UNC13D: variants seen among roughly 807,000 people sequenced by gnomAD.
UNC13D encodes protein unc-13 homolog D.
UNC13D carries 115 observed loss-of-function variants against 151.7 expected under a neutral mutation model. The ratio of observed to expected loss-of-function variants is 0.76; its 90% CI spans 0.65 to 0.88. The LOEUF is 0.88. UNC13D is among the 40% of genes least tolerant of loss of function. The probability of loss-of-function intolerance (pLI) is 0.00; values close to 1 mark genes in which losing one functional copy is unlikely to be tolerated. For synonymous variants in UNC13D, 588 were observed against 612.2 expected (o/e 0.96, Z 0.58); for missense variants, 1,369 against 1,438.7 (o/e 0.95, Z 0.78).
chr17:75,831,280 G>A lies in UNC13D; in HGVS notation c.2516C>T (p.Ser839Leu), dbSNP rs1713529534. 4.3e-6 allele frequency: 7 copies of A among 1,613,988 alleles called. No homozygotes were observed. The highest frequency in any genetic ancestry group is 5.9e-6 in the Non-Finnish European group (7 of 1,180,038). Residue 839 changes from serine (S) to leucine (L), a missense_variant, in exon 26 of 32, where the codon TCA becomes TTA. Ser to Leu is a moderately radical substitution (Grantham distance 145). Coordinates refer to ENST00000207549, the MANE Select transcript of UNC13D (RefSeq NM_199242.3). ...CTTCAGCCTGTTGGAAGCCAGGGAT[G>A]AGCTGCGCTGGGAGGCGGCCGCCTC... ...LVEAAASQRSSSLASNRLKIA... is the reference protein window; with the variant it reads ...LVEAAASQRSLSLASNRLKIA...
Position 75,836,825 on chromosome 17 carries a change from G to C in UNC13D, c.1149C>G (p.Ile383Met). Residue 383 changes from isoleucine to methionine, a missense_variant, in exon 13 of 32, where the codon ATC (isoleucine) becomes ATG (methionine). Coordinates refer to ENST00000207549, the MANE Select transcript of UNC13D (RefSeq NM_199242.3). The part of the protein sequence containing the change: ...HPITSIEYQW[I>M]QGRLKAEQQE... ...CCTGTTCTGCCTTGAGCCGACCCTG[G>C]ATCCACTGGTACTCGATGCTGGTGA... 1.2e-6 allele frequency: 2 copies of C among 1,613,972 alleles called. No individual in the cohort carries two copies. Among genetic ancestry groups the C allele is most frequent in the Non-Finnish European group, 8.5e-7 (1 of 1,180,040 alleles).
At chr17:75,843,888 C>T in intron 1 of UNC13D, 2 of 1,372,890 alleles carry the variant, frequency 1.5e-6, no homozygotes, top group Non-Finnish European at 1.9e-6. Context: ...GTCTGCTGCT[C>T]CCCGAACAGC....
rs2064956128 is a variant in UNC13D at position 75,842,489 on chromosome 17, G to A, written c.513C>T (p.His171=). ...GTGTCTGGGTGATGACCTGCGTGCG[G>A]TGGGTCTCCTCCTCGGGGATGGTGT... is the stretch of plus-strand genomic sequence containing the variant. The part of the protein sequence containing the change: ...VRHTIPEEET[H]RTQVITQTLN... Residue 171 remains histidine (H), a synonymous_variant, in exon 6 of 32, where the codon CAC becomes CAT. Transcript: ENST00000207549. 2 of 1,613,498 alleles carry A rather than the reference G, an allele frequency of 1.2e-6. No homozygotes were observed. The highest frequency in any genetic ancestry group is 1.7e-6 in the Non-Finnish European group (2 of 1,179,984).
At chr17:75,834,286 C>A in intron 23 of UNC13D, 39 bp downstream of exon 23, 1 of 1,587,860 alleles carries the variant, frequency 6.3e-7, no homozygotes, top group Non-Finnish European at 8.5e-7. Flanking sequence ...AGGCTGAAGA[C>A]GGGATGGGAT....
chr17:75,834,512 T>C lies in UNC13D; in HGVS notation c.2111A>G (p.Asp704Gly), dbSNP rs762112010. ...AANMLCVVVN[D>G]MEQLRLVIGK... ...GATCACCAGCCGCAGCTGCTCCATGTCATTCACCACCACACACAGCTGGGA... is the reference window on the plus strand; with the variant it reads ...GATCACCAGCCGCAGCTGCTCCATGCCATTCACCACCACACACAGCTGGGA... The change falls in exon 23 of 32, where the codon GAC becomes GGC. Residue 704 changes from aspartate to glycine, a missense_variant. Asp to Gly is a moderately conservative substitution (Grantham distance 94). Around this residue, in one of 3 missense-constraint regions of UNC13D, gnomAD observed 807 missense variants for 795.5 expected, o/e 1.01. Coordinates refer to ENST00000207549, the MANE Select transcript of UNC13D (RefSeq NM_199242.3). The C allele has an allele frequency of 8.2e-6, 13 of 1,585,002 alleles. No individual in the cohort carries two copies. The Admixed American group carries it at 2.4e-4, about 29-fold the overall frequency.
intron 1 of UNC13D, chr17:75,843,903 C>A: frequency 7.3e-7 from 1 of 1,374,966 alleles, no homozygotes; most frequent in South Asian, 1.6e-5. Flanking sequence ...AACAGCTCAC[C>A]CCACAGCAGG....
In UNC13D at chr17:75,835,020, A is replaced by C. The variant is rs767614412; in HGVS notation, c.1892T>G (p.Val631Gly). 4 of 1,614,020 alleles carry C rather than the reference A, an allele frequency of 2.5e-6. No individual in the cohort carries two copies. The South Asian group carries it at 4.4e-5, about 18-fold the overall frequency. ...GELTKHSTSA[V>G]DLSTCFAQIS... ...CTGGGCAAAGCAGGTGGATAGATCC[A>C]CCGCTGATGTGCTGTGCTTGGTCAG... The change falls in exon 21 of 32, where the codon GTG (valine) becomes GGG (glycine). Residue 631 changes from valine (V) to glycine (G), a missense_variant. By Grantham distance (109) the Val-to-Gly change is moderately radical. Transcript: ENST00000207549.
In UNC13D at chr17:75,827,906, T is replaced by G; in HGVS notation, c.*59A>C. ...GATGTGGCGGGGAAGCCCCAGACCCTACAGGAAAGCCCTTGCAAGTCCCCA... is the reference window on the plus strand; with the variant it reads ...GATGTGGCGGGGAAGCCCCAGACCCGACAGGAAAGCCCTTGCAAGTCCCCA... On this transcript the variant is annotated 3_prime_UTR_variant, in exon 32 of 32. Transcript: ENST00000207549. 1 of 1,581,402 alleles carries G rather than the reference T, an allele frequency of 6.3e-7. No individual in the cohort carries two copies. The highest frequency in any genetic ancestry group is 8.6e-7 in the Non-Finnish European group (1 of 1,168,042).
At chr17:75,843,338 G>A (rs1294909877) in intron 2 of UNC13D, 72 bp from the exon 3 acceptor site, 2 of 1,588,076 alleles carry the variant, frequency 1.3e-6, no homozygotes, top group East Asian at 2.3e-5. Flanking sequence ...CCATGGGCAG[G>A]ACAAGGGCGG....
intron 12 of UNC13D, among the ~76,000 whole-genome samples, chr17:75,839,170 A>G (rs2064930509): frequency 6.6e-6 from 1 of 152,164 alleles, no homozygotes; most frequent in Non-Finnish European, 1.5e-5. Context: ...TGAGAGGCCA[A>G]GGCAGGCAGA....
In UNC13D at chr17:75,830,059, G is replaced by T; in HGVS notation, c.2923C>A (p.Leu975Ile). ...AAGGTCTCATCAAACAATGGGTGAA[G>T]GTCCTTCTTGTGCTTCTGGGTCTCC... ...ARETQKHKKD[L>I]HPLFDETFEF... The change falls in exon 30 of 32, where the codon CTT (leucine) becomes ATT (isoleucine). Residue 975 changes from leucine to isoleucine, a missense_variant. Leu to Ile is a conservative substitution (Grantham distance 5). Around this residue, in one of 3 missense-constraint regions of UNC13D, gnomAD observed 807 missense variants for 795.5 expected, o/e 1.01. Coordinates refer to ENST00000207549, the MANE Select transcript of UNC13D (RefSeq NM_199242.3). 6.3e-7 allele frequency: 1 copy of T among 1,577,362 alleles called. No homozygotes were observed.
In UNC13D at chr17:75,827,239, T is replaced by G; in HGVS notation, c.*726A>C. 2.6e-5 allele frequency: 10 copies of G among 384,372 alleles called. No homozygotes were observed. Among genetic ancestry groups the G allele is most frequent in the East Asian group, 4.1e-5 (1 of 24,590 alleles). 23.8% of individuals were successfully genotyped at this position (384,372 alleles called of 1,614,324 possible). A position where few individuals can be genotyped will look rare whatever the true frequency, so the allele number is the denominator to read the frequency against. ...CCAAAGGCATATTTTAAGAGGACAATGGATTTGTTTTTATTAATTTTTTTG... is the reference window on the plus strand; with the variant it reads ...CCAAAGGCATATTTTAAGAGGACAAGGGATTTGTTTTTATTAATTTTTTTG... On this transcript the variant is annotated 3_prime_UTR_variant, in exon 32 of 32. Transcript: ENST00000207549.
At chr17:75,841,311 A>G (rs2143895911) in intron 6 of UNC13D, among the ~76,000 whole-genome samples, 1 of 149,986 alleles carries the variant, frequency 6.7e-6, no homozygotes, top group South Asian at 2.1e-4. Flanking sequence ...CACCTGGCTA[A>G]TTTTTGTATT....
intron 6 of UNC13D, among the ~76,000 whole-genome samples, 186 bp downstream of exon 6, chr17:75,842,247 C>T (rs1208977134): frequency 2.6e-5 from 4 of 152,206 alleles, no homozygotes; most frequent in Non-Finnish European, 4.4e-5. Context: ...TGGCATTGAT[C>T]TTGTTCTGTC....
Position 75,833,155 on chromosome 17 carries a change from A to G in UNC13D, c.2368-110T>C. 1 of 1,083,398 alleles carries G rather than the reference A, an allele frequency of 9.2e-7. No homozygotes were observed. Among genetic ancestry groups the G allele is most frequent in the East Asian group, 2.7e-5 (1 of 37,646 alleles). The allele number at this position is 1,083,398 out of a possible 1,614,324, so 67.1% of individuals were successfully genotyped here. A position where few individuals can be genotyped will look rare whatever the true frequency, so the allele number is the denominator to read the frequency against. ...ACAGGGCTGGGAACCGTTCTGTGAG[A>G]GCAGTTTGTAGTGTCTGTAAGAGGC... On this transcript the variant is annotated intron_variant, in intron 24 of 31. Coordinates refer to ENST00000207549, the MANE Select transcript of UNC13D (RefSeq NM_199242.3). This position sits in a 1 kb window ranked among gnomAD's most constrained non-coding sequence, Gnocchi z 4.0.
rs763241668 is a variant in UNC13D, at chr17:75,840,563, C to G, written c.697G>C (p.Ala233Pro). The G allele has an allele frequency of 3.1e-6, 5 of 1,614,082 alleles. No individual in the cohort carries two copies. The Admixed American group carries it at 8.3e-5, about 27-fold the overall frequency. Residue 233 changes from alanine (A) to proline (P), a missense_variant, in exon 9 of 32, where the codon GCC becomes CCC. By Grantham distance (27) the Ala-to-Pro change is conservative (BLOSUM62 -1). Around this residue, in one of 3 missense-constraint regions of UNC13D, gnomAD observed 550 missense variants for 609.0 expected, o/e 0.90. Coordinates refer to ENST00000207549, the MANE Select transcript of UNC13D (RefSeq NM_199242.3). This position sits in a 1 kb window ranked among gnomAD's most constrained non-coding sequence, Gnocchi z 4.6. ...LHGLRRIFKE[A>P]RKDKGQDDFL... ...TCGTCCTGGCCTTTGTCCTTCCGGGCCTCTTTAAAGATCCTGCGTCAGGCA... is the reference window on the plus strand; with the variant it reads ...TCGTCCTGGCCTTTGTCCTTCCGGGGCTCTTTAAAGATCCTGCGTCAGGCA...
intron 12 of UNC13D, among the ~76,000 whole-genome samples, chr17:75,838,199 A>G (rs1271663536): frequency 3.3e-5 from 5 of 150,316 alleles, no homozygotes; most frequent in Non-Finnish European, 5.9e-5. Flanking sequence ...TCCCCTGGCC[A>G]GCACTTGGCT....
intron 6 of UNC13D, 84 bp downstream of exon 6, chr17:75,842,349 G>A (rs1599414557): frequency 2.0e-6 from 3 of 1,534,648 alleles, no homozygotes; most frequent in East Asian, 2.3e-5. Flanking sequence ...GAGCCAGGAC[G>A]ACCTACTCAT....
At chr17:75,831,491 C>T (rs1235468740) in intron 25 of UNC13D, 143 bp from the exon 26 acceptor site, 2 of 727,950 alleles carry the variant, frequency 2.7e-6, no homozygotes, top group East Asian at 2.7e-5. Context: ...CCTCCGCCTC[C>T]CACCCCAGGT....
Sources: gnomAD v4.1 joint callset for allele counts (sites outside exome capture counted in the v4.1 genomes callset) on GRCh38, gnomAD v4.1.1 for gene constraint, gnomAD v4.1.1 regional missense constraint, Gnocchi (gnomAD v3.1) non-coding constraint, MANE v1.5 for transcripts, NCBI Gene and HGNC (gene_info 2026-07-23, HGNC 2026-07-21) for gene names.